REXO1: variants seen among roughly 807,000 people sequenced by gnomAD.
REXO1 encodes the protein REX1, RNA exonuclease 1 homolog.
REXO1 carries 42 observed loss-of-function variants against 102.6 expected under a neutral mutation model. The observed-to-expected ratio is 0.41, with a 90% CI of 0.32 to 0.53. The LOEUF (loss-of-function observed/expected upper bound fraction) is 0.53, where lower values mean the gene tolerates loss of function less well. Among genes scored for constraint, REXO1 ranks in the 20% least tolerant of loss-of-function variants. The pLI, the probability that REXO1 is intolerant of heterozygous loss-of-function variation, is 0.27. For missense variants in REXO1, 1,819 were observed against 1,732.5 expected (o/e 1.05, Z -0.89); for synonymous variants, 908 against 779.1 (o/e 1.17, Z -2.76).
At chr19:1,824,526 CTG>C (rs770687422) in intron 3 of REXO1, 2 of 152,220 alleles carry the variant, frequency 1.3e-5, no homozygotes, top group African/African-American at 2.4e-5. Flanking sequence ...CCAAAATAAA[CTG>C]ATACTAACTT....
chr19:1,816,182 G>A lies in REXO1; in HGVS notation c.3578-28C>T, dbSNP rs1193108881. ...GCGGGGCAGATGCGGTGAGCACCCG[G>A]CCCCTGCGCAGGGACGGCCCCAGGG... On this transcript the variant is annotated intron_variant, in intron 15 of 15. Transcript: ENST00000170168. 5 of 1,559,634 alleles carry A rather than the reference G, an allele frequency of 3.2e-6. No homozygotes were observed. In the South Asian group the frequency reaches 3.5e-5, roughly 11 times the overall value.
At position 1,834,918 on chromosome 19, in the gene REXO1, G is replaced by A. The variant is rs182859475; in HGVS notation, c.158-6287C>T. ...CTGCACCACGGCCTCTCCTCCCTGT[G>A]GTCACTGGGCTCCCCCACCCTGCAG... On this transcript the variant is annotated intron_variant, in intron 1 of 15. Coordinates refer to ENST00000170168, the MANE Select transcript of REXO1 (RefSeq NM_020695.4). 223 of 401,062 alleles carry A rather than the reference G, an allele frequency of 5.6e-4. 1 individual carries two copies. The highest frequency in any genetic ancestry group is 4.5e-3 in the African/African-American group (214 of 47,946). The allele number at this position is 401,062 out of a possible 1,614,324, so 24.8% of individuals were successfully genotyped here.
chr19:1,836,780 C>A (rs935114481), intron 1 of REXO1, among the ~76,000 whole-genome samples: 2 of 151,272 alleles, frequency 1.3e-5, no homozygotes, highest in Non-Finnish European at 3.0e-5. Context: ...ACCCGGCAGG[C>A]CCAGCCCCTG....
intron 4 of REXO1, 112 bp from the exon 5 acceptor site, chr19:1,821,794 G>C: frequency 1.0e-6 from 1 of 968,722 alleles, no homozygotes; most frequent in Non-Finnish European, 1.5e-6. Flanking sequence ...ATCTCCGCGT[G>C]CAGGGGGCCG....
chr19:1,821,669 G>A lies in REXO1; in HGVS notation c.2244C>T (p.Ala748=), dbSNP rs373259089. ...NPRLAAAPTG[A]KRTLAASGSQ... is the part of the protein sequence containing the mutation. ...TGCCGCTGGCCGCAAGGGTCCTCTT[G>A]GCACCTGTGGGGGCTGGCGGGGCAC... The change falls in exon 5 of 16, where the codon GCC becomes GCT. Residue 748 remains alanine (A), a synonymous_variant. Transcript: ENST00000170168. 1.1e-5 allele frequency: 18 copies of A among 1,612,106 alleles called. No homozygotes were observed. The highest frequency in any genetic ancestry group is 1.4e-5 in the Non-Finnish European group (17 of 1,179,610).
At position 1,827,205 on chromosome 19, in the gene REXO1, G is replaced by A. The variant is rs910129157; in HGVS notation, c.1584C>T (p.Asp528=). The A allele has an allele frequency of 9.1e-6, 14 of 1,540,840 alleles. No individual in the cohort carries two copies. Among genetic ancestry groups the A allele is most frequent in the African/African-American group, 8.2e-5 (6 of 73,064 alleles). The change falls in exon 2 of 16, where the codon GAC becomes GAT. Residue 528 remains aspartate (D), a synonymous_variant. Coordinates refer to ENST00000170168, the MANE Select transcript of REXO1 (RefSeq NM_020695.4). ...HADLFGDESE[D]EAAGPGVPSV... ...TCGGCACCCCTGGCCCTGCGGCCTCGTCCTCACTCTCGTCCCCAAAGAGGT... is the reference window on the plus strand; with the variant it reads ...TCGGCACCCCTGGCCCTGCGGCCTCATCCTCACTCTCGTCCCCAAAGAGGT...
At chr19:1,836,092 G>A (rs960295162) in intron 1 of REXO1, among the ~76,000 whole-genome samples, 6 of 152,110 alleles carry the variant, frequency 3.9e-5, no homozygotes, top group Non-Finnish European at 7.4e-5. Context: ...CCTTCCCTTG[G>A]CCCAGAAACC....
intron 6 of REXO1, 66 bp from the exon 7 acceptor site, chr19:1,820,123 G>A (rs2069487498): frequency 6.4e-7 from 1 of 1,572,872 alleles, no homozygotes; most frequent in Middle Eastern, 1.7e-4. Context: ...CAGCGGTGGG[G>A]TCGCCATGGG....
rs267605357 is a variant in REXO1, at chr19:1,827,698, G to C, written c.1091C>G (p.Ser364Cys). 13 of 1,569,924 alleles carry C rather than the reference G, an allele frequency of 8.3e-6. No homozygotes were observed. The South Asian group carries it at 1.5e-4, about 18-fold the overall frequency. Residue 364 changes from serine (S) to cysteine (C), a missense_variant, in exon 2 of 16, where the codon TCC (serine) becomes TGC (cysteine). Ser to Cys is a moderately radical substitution (Grantham distance 112). Transcript: ENST00000170168. Reference sequence around the variant, plus strand: ...CTTGGGGCAGCCCCCATCCTGTGAGGACTGGACCTGGGCTGGGGAGGCGGG... The same window carrying C: ...CTTGGGGCAGCCCCCATCCTGTGAGCACTGGACCTGGGCTGGGGAGGCGGG... ...AKPASPAQVQSSQDGGCPKEG... is the reference protein window; with the variant it reads ...AKPASPAQVQCSQDGGCPKEG...
intron 3 of REXO1, chr19:1,824,028 T>C (rs963322093): frequency 3.2e-4 from 125 of 389,308 alleles, no homozygotes; most frequent in Admixed American, 2.3e-3. Context: ...TCCTCAGCCC[T>C]GATAAGGCAC....
At chr19:1,817,496 C>T in intron 11 of REXO1, 167 bp from the exon 12 acceptor site, 1 of 1,469,694 alleles carries the variant, frequency 6.8e-7, no homozygotes, top group Non-Finnish European at 9.0e-7. Context: ...GCCAAGAAGA[C>T]ACAGGGAGGA....
chr19:1,822,170 G>A (rs2069564957), intron 4 of REXO1: 2 of 337,616 alleles, frequency 5.9e-6, no homozygotes, highest in Admixed American at 9.9e-5. Flanking sequence ...GCTGCAACCT[G>A]GGCATGTACG....
intron 1 of REXO1, among the ~76,000 whole-genome samples, chr19:1,837,552 A>T (rs1055319501): frequency 1.3e-5 from 2 of 152,136 alleles, no homozygotes; most frequent in Admixed American, 1.3e-4. Flanking sequence ...GCAGCTTCCA[A>T]TACCCTCTCT....
In REXO1 at chr19:1,826,786, G is replaced by A; in HGVS notation, c.1911+92C>T. The A allele has an allele frequency of 1.3e-6, 2 of 1,509,118 alleles. No individual in the cohort carries two copies. The highest frequency in any genetic ancestry group is 1.3e-5 in the South Asian group (1 of 78,818). 93.5% of individuals were successfully genotyped at this position (1,509,118 alleles called of 1,614,324 possible). On this transcript the variant is annotated intron_variant, in intron 2 of 15. Coordinates refer to ENST00000170168, the MANE Select transcript of REXO1 (RefSeq NM_020695.4). This position sits in a 1 kb window ranked among gnomAD's most constrained non-coding sequence, Gnocchi z 4.3. The stretch of plus-strand genomic sequence containing the variant: ...AGCTGCCTCCACCCCGTGCCTCCGA[G>A]CCAACTGGAAACCACTCCAGATAGA...
chr19:1,846,828 G>A (rs1295924233), intron 1 of REXO1, among the ~76,000 whole-genome samples: 1 of 152,136 alleles, frequency 6.6e-6, no homozygotes, highest in Non-Finnish European at 1.5e-5. Flanking sequence ...AGGAGGTCGA[G>A]GCCTCAAAGA....
chr19:1,820,499 G>A (rs1374337927), intron 5 of REXO1, 104 bp from the exon 6 acceptor site: 17 of 1,359,300 alleles, frequency 1.3e-5, no homozygotes, highest in East Asian at 2.4e-5. Context: ...GCAAGAGTGA[G>A]GTGCGCTGGG....
intron 1 of REXO1, among the ~76,000 whole-genome samples, chr19:1,833,286 C>T (rs2069954382): frequency 6.6e-6 from 1 of 152,234 alleles, no homozygotes; most frequent in African/African-American, 2.4e-5. Context: ...CTGTTTTGGA[C>T]CACTCGGAAC....
At position 1,827,370 on chromosome 19, in the gene REXO1, T is replaced by C. The variant is rs1421208586; in HGVS notation, c.1419A>G (p.Pro473=). ...TGTCGGGCAGCTGGAGGGGGCGGGG[T>C]GGGCCTCTGCCGGCCGCCGGTCGGG... ...GDSRPAAGRG[P]PRPLQLPDRK... The change falls in exon 2 of 16, where the codon CCA becomes CCG. Residue 473 remains proline (P), a synonymous_variant. Transcript: ENST00000170168. 1 of 1,537,610 alleles carries C rather than the reference T, an allele frequency of 6.5e-7. No individual in the cohort carries two copies. Among genetic ancestry groups the C allele is most frequent in the African/African-American group, 1.4e-5 (1 of 72,518 alleles).
intron 12 of REXO1, 120 bp downstream of exon 12, chr19:1,817,099 G>T (rs2069388999): frequency 8.0e-7 from 1 of 1,242,884 alleles, no homozygotes; most frequent in South Asian, 1.4e-5. Flanking sequence ...CACCGGTGCT[G>T]CGAGAGAAAC....
Sources: gnomAD v4.1 joint callset for allele counts (sites outside exome capture counted in the v4.1 genomes callset) on GRCh38, gnomAD v4.1.1 for gene constraint, Gnocchi (gnomAD v3.1) non-coding constraint, MANE v1.5 for transcripts, NCBI Gene and HGNC (gene_info 2026-07-23, HGNC 2026-07-21) for gene names.